PTPRR: variants seen among roughly 807,000 people sequenced by gnomAD.
PTPRR encodes the protein receptor-type tyrosine-protein phosphatase R.
A neutral mutation model predicts 77.2 loss-of-function variants in PTPRR; 38 were observed. The observed-to-expected ratio is 0.49, with a 90% CI of 0.38 to 0.65. The LOEUF (loss-of-function observed/expected upper bound fraction) is 0.65. PTPRR is among the 30% of genes least tolerant of loss of function. The pLI, the probability that PTPRR is intolerant of heterozygous loss-of-function variation, is 0.00. For synonymous variants in PTPRR, 299 were observed against 283.1 expected (o/e 1.06, Z -0.57); for missense variants, 744 against 799.2 (o/e 0.93, Z 0.83).
intron 2 of PTPRR, among the ~76,000 whole-genome samples, chr12:70,770,228 C>T (rs1020831339): frequency 1.2e-4 from 18 of 150,106 alleles, no homozygotes; most frequent in Non-Finnish European, 3.0e-5. Flanking sequence ...AGGCAACCTA[C>T]AAAATGGGAG....
At chr12:70,815,579 G>C (rs1294408927) in intron 2 of PTPRR, among the ~76,000 whole-genome samples, 2 of 152,140 alleles carry the variant, frequency 1.3e-5, no homozygotes, top group Non-Finnish European at 2.9e-5. Context: ...AGGAGGGTGA[G>C]GAAAGTAAGG....
chr12:70,896,824 A>G (rs1893436658), intron 1 of PTPRR, among the ~76,000 whole-genome samples: 2 of 151,774 alleles, frequency 1.3e-5, no homozygotes, highest in South Asian at 2.1e-4. Context: ...TCAGCTTTCT[A>G]CATATGGCTA....
intron 2 of PTPRR, among the ~76,000 whole-genome samples, chr12:70,878,399 T>A (rs945556920): frequency 1.3e-5 from 2 of 151,702 alleles, no homozygotes; most frequent in African/African-American, 4.8e-5. Flanking sequence ...CAAACAAATT[T>A]ACAAGAAAAA....
intron 2 of PTPRR, among the ~76,000 whole-genome samples, chr12:70,801,786 CCTCT>C (rs1015669469): frequency 1.5e-4 from 22 of 151,600 alleles, no homozygotes; most frequent in African/African-American, 4.6e-4. Flanking sequence ...TCCCTCCCTC[CCTCT>C]CTATCTCCCA....
chr12:70,854,034 C>G (rs569188065), intron 2 of PTPRR, among the ~76,000 whole-genome samples: 1 of 152,158 alleles, frequency 6.6e-6, no homozygotes, highest in African/African-American at 2.4e-5. Flanking sequence ...AGTGTTCTAT[C>G]AAACCTTAAC....
intron 10 of PTPRR, among the ~76,000 whole-genome samples, chr12:70,668,040 G>A (rs1467524584): frequency 1.3e-5 from 2 of 152,054 alleles, no homozygotes; most frequent in African/African-American, 2.4e-5. Flanking sequence ...TGATCAAAAT[G>A]TCTTGTCTAT....
chr12:70,723,393 T>C (rs1889328605), intron 6 of PTPRR, among the ~76,000 whole-genome samples: 1 of 152,122 alleles, frequency 6.6e-6, no homozygotes, highest in African/African-American at 2.4e-5. Flanking sequence ...TTTTCTAATT[T>C]TGCCACTTCT....
chr12:70,894,282 C>T (rs1385625888), intron 1 of PTPRR, among the ~76,000 whole-genome samples: 1 of 151,708 alleles, frequency 6.6e-6, no homozygotes, highest in Non-Finnish European at 1.5e-5. Flanking sequence ...TTTACATGCC[C>T]AAATTCAATA....
At chr12:70,752,115 CTT>C (rs1234907192) in intron 5 of PTPRR, among the ~76,000 whole-genome samples, 1 of 152,094 alleles carries the variant, frequency 6.6e-6, no homozygotes, top group East Asian at 1.9e-4. Flanking sequence ...TTAAAATTAA[CTT>C]AATTATTTTC....
intron 2 of PTPRR, among the ~76,000 whole-genome samples, chr12:70,782,452 A>G (rs933040030): frequency 2.1e-4 from 32 of 152,304 alleles, no homozygotes; most frequent in Admixed American, 7.8e-4. Flanking sequence ...ATGTCCATCA[A>G]TGATAGACTG....
chr12:70,709,986 G>T (rs760818435), intron 6 of PTPRR, among the ~76,000 whole-genome samples: 87 of 152,046 alleles, frequency 5.7e-4, no homozygotes, highest in Admixed American at 2.0e-4. Flanking sequence ...TGGCTTACCT[G>T]AATTATCTCA....
At chr12:70,733,427 C>CAA (rs764791536) in intron 6 of PTPRR, among the ~76,000 whole-genome samples, 462 of 26,972 alleles carry the variant, frequency 0.017, 18 homozygotes, top group African/African-American at 0.05. Context: ...CAAACAACAA[C>CAA]AAAAAAAAAA....
At chr12:70,679,839 C>T (rs1355977329) in intron 10 of PTPRR, among the ~76,000 whole-genome samples, 4 of 151,834 alleles carry the variant, frequency 2.6e-5, no homozygotes, top group Non-Finnish European at 5.9e-5. Flanking sequence ...TTTTCTTTCC[C>T]CCATTTGGCC....
At chr12:70,893,277 G>A (rs866953518) in intron 1 of PTPRR, among the ~76,000 whole-genome samples, 5 of 151,922 alleles carry the variant, frequency 3.3e-5, no homozygotes, top group African/African-American at 4.8e-5. Context: ...TACACCCATA[G>A]TTTCAATACC....
intron 6 of PTPRR, among the ~76,000 whole-genome samples, chr12:70,722,549 G>A (rs368583180): frequency 9.9e-5 from 15 of 152,260 alleles, no homozygotes; most frequent in African/African-American, 3.4e-4. Flanking sequence ...GACTTGGAGG[G>A]ACGCGGAGGT....
chr12:70,682,744 T>C (rs1887722519), intron 10 of PTPRR, among the ~76,000 whole-genome samples: 1 of 152,198 alleles, frequency 6.6e-6, no homozygotes, highest in Non-Finnish European at 1.5e-5. Context: ...TGTGAAGGAA[T>C]TGTCAGTGGC....
At chr12:70,738,585 G>A (rs1513100) in intron 6 of PTPRR, among the ~76,000 whole-genome samples, 152,058 of 152,370 alleles carry the variant, frequency 1, 75,874 homozygotes, top group Middle Eastern at 1. Flanking sequence ...GCCATTAGCC[G>A]TACAGTAGCC....
chr12:70,692,879 G>A (rs750643695), intron 8 of PTPRR, among the ~76,000 whole-genome samples: 6 of 152,092 alleles, frequency 3.9e-5, no homozygotes, highest in Non-Finnish European at 8.8e-5. Context: ...AATGGAGTGT[G>A]GTGAGCCCCT....
At chr12:70,669,971 A>G (rs1358323984) in intron 10 of PTPRR, among the ~76,000 whole-genome samples, 5 of 152,208 alleles carry the variant, frequency 3.3e-5, no homozygotes, top group African/African-American at 1.2e-4. Context: ...ATGTGTAATT[A>G]AAATGAATAT....
Sources: gnomAD v4.1 joint callset for allele counts (sites outside exome capture counted in the v4.1 genomes callset) on GRCh38, gnomAD v4.1.1 for gene constraint, MANE v1.5 for transcripts, NCBI Gene and HGNC (gene_info 2026-07-23, HGNC 2026-07-21) for gene names.